FBXW7: variants seen among roughly 807,000 people sequenced by gnomAD.
FBXW7 encodes the protein F-box/WD repeat-containing protein 7.
A neutral mutation model predicts 86.3 loss-of-function variants in FBXW7; 11 were observed. The observed-to-expected ratio is 0.13, with a 90% confidence interval of 0.08 to 0.21. FBXW7 has a LOEUF of 0.21. Among genes scored for constraint, FBXW7 ranks in the 10% least tolerant of loss-of-function variants. FBXW7 has a pLI of 1.00. For missense variants in FBXW7, 488 were observed against 847.4 expected (o/e 0.58, Z 5.27); for synonymous variants, 313 against 297.9 (o/e 1.05, Z -0.52).
chr4:152,455,090 A>G (rs1361038196), intron 2 of FBXW7, among the ~76,000 whole-genome samples: 1 of 152,202 alleles, frequency 6.6e-6, no homozygotes, highest in Non-Finnish European at 1.5e-5. Flanking sequence ...TTTAATAATA[A>G]TATCTCAAGA....
intron 2 of FBXW7, among the ~76,000 whole-genome samples, chr4:152,502,275 A>G (rs1258663360): frequency 6.6e-6 from 1 of 152,206 alleles, no homozygotes; most frequent in Non-Finnish European, 1.5e-5. Flanking sequence ...TCTACTAAAG[A>G]AAGTTTTATT....
At chr4:152,533,939 C>T (rs767877239) in intron 2 of FBXW7, among the ~76,000 whole-genome samples, 2 of 152,148 alleles carry the variant, frequency 1.3e-5, no homozygotes, top group African/African-American at 2.4e-5. Flanking sequence ...CAGAACGAGC[C>T]CACAGTTGTC....
intron 4 of FBXW7, among the ~76,000 whole-genome samples, chr4:152,364,498 T>G (rs1264311964): frequency 2.0e-5 from 3 of 152,196 alleles, no homozygotes; most frequent in African/African-American, 7.2e-5. Context: ...CAAATGTTCT[T>G]TGTTGATTAC....
chr4:152,482,901 C>A (rs2149672691), intron 2 of FBXW7, among the ~76,000 whole-genome samples: 1 of 152,210 alleles, frequency 6.6e-6, no homozygotes, highest in Non-Finnish European at 1.5e-5. Flanking sequence ...TTACCACAAA[C>A]AATAGACCTA....
Position 152,535,256 on chromosome 4 carries a change from G to A in FBXW7, c.-342C>T. ...GTAAAGTTTCCTCTGGGTGGAGGCT[G>A]CGGCCGGCCCCCCGGGTCCCCCCCG... On this transcript the variant is annotated 5_prime_UTR_variant, in exon 1 of 14. Transcript: ENST00000281708. The A allele has an allele frequency of 4.1e-6, 1 of 243,414 alleles. No homozygotes were observed. The highest frequency in any genetic ancestry group is 7.9e-6 in the Non-Finnish European group (1 of 127,216). The allele number at this position is 243,414 out of a possible 1,614,324, so 15.1% of individuals were successfully genotyped here.
At chr4:152,332,973 C>T (rs1175958307) in intron 7 of FBXW7, among the ~76,000 whole-genome samples, 1 of 152,036 alleles carries the variant, frequency 6.6e-6, no homozygotes, top group African/African-American at 2.4e-5. Flanking sequence ...TTAAACCTCT[C>T]TGTCTCTGCT....
At chr4:152,520,091 ACCCCTC>A (rs1377972186) in intron 2 of FBXW7, among the ~76,000 whole-genome samples, 1 of 152,178 alleles carries the variant, frequency 6.6e-6, no homozygotes, top group Non-Finnish European at 1.5e-5. Context: ...CTAGATTCAT[ACCCCTC>A]TCCTTCCTTG....
chr4:152,408,407 G>T (rs1433021451), intron 4 of FBXW7, among the ~76,000 whole-genome samples: 5 of 152,194 alleles, frequency 3.3e-5, no homozygotes, highest in Admixed American at 2.0e-4. Flanking sequence ...ACAGACATTT[G>T]TATCTGGAGA....
At chr4:152,406,724 T>A (rs1402314527) in intron 4 of FBXW7, among the ~76,000 whole-genome samples, 1 of 152,190 alleles carries the variant, frequency 6.6e-6, no homozygotes, top group Non-Finnish European at 1.5e-5. Flanking sequence ...GTGGGTAGCA[T>A]CGACTTCAAA....
At chr4:152,424,219 T>C (rs557823254) in intron 2 of FBXW7, among the ~76,000 whole-genome samples, 3 of 152,180 alleles carry the variant, frequency 2.0e-5, no homozygotes, top group South Asian at 4.2e-4. Context: ...AGGGCCCAGT[T>C]TCTGCATTTT....
intron 4 of FBXW7, among the ~76,000 whole-genome samples, chr4:152,403,375 G>C (rs1737114836): frequency 6.6e-6 from 1 of 151,976 alleles, no homozygotes; most frequent in South Asian, 2.1e-4. Flanking sequence ...CTACTCAGGA[G>C]GCTGAGGCAG....
intron 6 of FBXW7, among the ~76,000 whole-genome samples, chr4:152,341,685 A>C (rs980020695): frequency 2.0e-5 from 3 of 152,188 alleles, no homozygotes; most frequent in Admixed American, 6.5e-5. Context: ...TGATGGTATC[A>C]CTAGGACTTG....
intron 2 of FBXW7, among the ~76,000 whole-genome samples, chr4:152,480,389 T>C (rs1011102609): frequency 1.3e-5 from 2 of 152,086 alleles, no homozygotes; most frequent in African/African-American, 4.8e-5. Flanking sequence ...CCAATCCCTA[T>C]CTCTCTCCCT....
chr4:152,346,736 A>G, intron 6 of FBXW7, 194 bp downstream of exon 6: 1 of 651,564 alleles, frequency 1.5e-6, no homozygotes, highest in Non-Finnish European at 2.5e-6. Flanking sequence ...GGATTTGCCT[A>G]TTCTGGACAT....
Position 152,322,852 on chromosome 4 carries a change from C to T in FBXW7, c.*29G>A. ...AAGGGCAGGGAGTATATCGTCTACACAATTGGACAAATTCATCTTTTCTGC... is the reference window on the plus strand; with the variant it reads ...AAGGGCAGGGAGTATATCGTCTACATAATTGGACAAATTCATCTTTTCTGC... On this transcript the variant is annotated 3_prime_UTR_variant, in exon 14 of 14. Transcript: ENST00000281708. 2 of 1,612,064 alleles carry T rather than the reference C, an allele frequency of 1.2e-6. No homozygotes were observed. Among genetic ancestry groups the T allele is most frequent in the Middle Eastern group, 1.7e-4 (1 of 6,050 alleles).
chr4:152,535,658 T>G lies in FBXW7; in HGVS notation c.-744A>C, dbSNP rs1750479140. On this transcript the variant is annotated 5_prime_UTR_variant, in exon 1 of 14. Transcript: ENST00000281708. ...CGGCTCCCGCATGTGTCGCTGCGGC[T>G]GGGACCCCCCTCCCTACACCTTGGG... 1 of 396,320 alleles carries G rather than the reference T, an allele frequency of 2.5e-6. No homozygotes were observed. Among genetic ancestry groups the G allele is most frequent in the Non-Finnish European group, 4.5e-6 (1 of 224,530 alleles). The allele number at this position is 396,320 out of a possible 1,614,324, so 24.6% of individuals were successfully genotyped here.
At chr4:152,412,011 T>C (rs1198545012) in intron 3 of FBXW7, 139 bp from the exon 4 acceptor site, 3 of 722,474 alleles carry the variant, frequency 4.2e-6, no homozygotes, top group Non-Finnish European at 4.2e-6. Flanking sequence ...AAATGTTCTT[T>C]AGTAAACAAT....
Position 152,330,792 on chromosome 4 carries a change from T to C in FBXW7, c.1062A>G (p.Ala354=). The C allele has an allele frequency of 1.9e-6, 3 of 1,612,788 alleles. No homozygotes were observed. The highest frequency in any genetic ancestry group is 2.5e-6 in the Non-Finnish European group (3 of 1,179,020). Residue 354 remains alanine (A), a synonymous_variant, in exon 9 of 14, where the codon GCA becomes GCG. Coordinates refer to ENST00000281708, the MANE Select transcript of FBXW7 (RefSeq NM_001349798.2). Reference sequence around the variant, plus strand: ...TATCAATTCTGTGCTGTCTGATGTATGCACTTTTCCATGGACTGTGTATGA... The same window carrying C: ...TATCAATTCTGTGCTGTCTGATGTACGCACTTTTCCATGGACTGTGTATGA... The part of the protein sequence containing the change: ...PGFIHSPWKS[A]YIRQHRIDTN...
chr4:152,494,530 T>A (rs1392931606), intron 2 of FBXW7, among the ~76,000 whole-genome samples: 1 of 152,182 alleles, frequency 6.6e-6, no homozygotes, highest in Non-Finnish European at 1.5e-5. Flanking sequence ...GGTATAGGAA[T>A]GAAAGAATCT....
Sources: allele counts gnomAD v4.1 joint callset (sites outside exome capture counted in the v4.1 genomes callset), GRCh38; gene constraint gnomAD v4.1.1; transcripts MANE v1.5; gene names NCBI Gene and HGNC (gene_info 2026-07-23, HGNC 2026-07-21).